Variants in NBN observed in about 807,000 individuals in gnomAD.
NBN encodes nibrin, also known as Nijmegen breakage syndrome 1 (nibrin).
NBN carries 88 observed loss-of-function variants against 90.8 expected under a neutral mutation model. The ratio of observed to expected loss-of-function variants is 0.97; its 90% CI spans 0.82 to 1.16. NBN has a LOEUF of 1.16. NBN is among the 50% of genes most tolerant of loss of function. The probability of loss-of-function intolerance (pLI) is 0.00; values close to 1 mark genes in which losing one functional copy is unlikely to be tolerated. For synonymous variants in NBN, 328 were observed against 295.1 expected, an observed-to-expected ratio of 1.11 and a Z score of -1.14; for missense variants, 894 against 869.6, an observed-to-expected ratio of 1.03 and a Z score of -0.35.
chr8:89,950,278 A>AT (rs1158544193), intron 11 of NBN, among the ~76,000 whole-genome samples: 2 of 152,342 alleles, frequency 1.3e-5, no homozygotes, highest in African/African-American at 2.4e-5. Flanking sequence ...CAAGTCCCTG[A>AT]TAAAAAAAAG....
At chr8:89,937,178 C>A in intron 14 of NBN, 103 bp from the exon 15 acceptor site, 1 of 1,042,552 alleles carries the variant, frequency 9.6e-7, no homozygotes, top group South Asian at 1.3e-5. Context: ...TTTCCACATC[C>A]TGGAGGTCAC....
intron 5 of NBN, among the ~76,000 whole-genome samples, chr8:89,975,396 CTAA>C: frequency 1.3e-5 from 2 of 152,292 alleles, no homozygotes; most frequent in Middle Eastern, 3.4e-3. Flanking sequence ...ATTCCTTCTA[CTAA>C]TGTTTATAAA....
chr8:89,962,130 G>C (rs1811017241), intron 8 of NBN, among the ~76,000 whole-genome samples: 1 of 152,134 alleles, frequency 6.6e-6, no homozygotes, highest in African/African-American at 2.4e-5. Flanking sequence ...TCTAGAGTTT[G>C]TATAGGAAAC....
chr8:89,937,142 G>A (rs1234761683), intron 14 of NBN, 67 bp from the exon 15 acceptor site: 1 of 1,434,960 alleles, frequency 7.0e-7, no homozygotes, highest in East Asian at 2.3e-5. Flanking sequence ...AATTGCTATA[G>A]TGATAGGTCA....
intron 5 of NBN, among the ~76,000 whole-genome samples, chr8:89,972,787 C>A (rs1811576136): frequency 2.0e-5 from 3 of 152,118 alleles, no homozygotes; most frequent in Admixed American, 2.0e-4. Context: ...CAGTTACAGA[C>A]AAAAACAGTA....
In NBN at chr8:89,956,339, T is replaced by A. The variant is rs116215542; in HGVS notation, c.1125-784A>T. Among the ~76,000 whole-genome samples the A allele has an allele frequency of 7.0e-3, 1,072 of 152,132 alleles. 14 individuals are homozygous for A. The highest frequency in any genetic ancestry group is 0.024 in the African/African-American group (1,007 of 41,540). ...ATAAATAAGGTTTAATACAGTGATA[T>A]CTTAAGTATCTTAATATGAACACTT... On this transcript the variant is annotated intron_variant, in intron 9 of 15. Transcript: ENST00000265433.
At chr8:89,941,739 A>G (rs1011186800) in intron 14 of NBN, among the ~76,000 whole-genome samples, 14 of 152,156 alleles carry the variant, frequency 9.2e-5, no homozygotes, top group African/African-American at 3.4e-4. Flanking sequence ...GTACTGCCAT[A>G]ATTCTGTGGA....
intron 12 of NBN, among the ~76,000 whole-genome samples, 184 bp downstream of exon 12, chr8:89,947,640 A>C (rs1376446698): frequency 1.3e-5 from 2 of 151,974 alleles, no homozygotes; most frequent in African/African-American, 4.8e-5. Context: ...AAAATAAATA[A>C]ATAAACAAAT....
intron 13 of NBN, among the ~76,000 whole-genome samples, chr8:89,943,899 A>C (rs1810066922): frequency 6.6e-6 from 1 of 152,202 alleles, no homozygotes; most frequent in Non-Finnish European, 1.5e-5. Flanking sequence ...TTCCATGTGA[A>C]AATGCCCATC....
chr8:89,939,412 A>T (rs780680345), intron 14 of NBN, among the ~76,000 whole-genome samples: 15 of 151,042 alleles, frequency 9.9e-5, no homozygotes, highest in Non-Finnish European at 1.9e-4. Context: ...TCTAGAACAC[A>T]GTCCATCTAA....
At chr8:89,978,706 C>G (rs534322017) in intron 4 of NBN, among the ~76,000 whole-genome samples, 1 of 152,266 alleles carries the variant, frequency 6.6e-6, no homozygotes, top group South Asian at 2.1e-4. Flanking sequence ...ATATCTGCTT[C>G]AGGGAAGACA....
At chr8:89,952,607 T>C (rs1036001347) in intron 11 of NBN, among the ~76,000 whole-genome samples, 3 of 152,174 alleles carry the variant, frequency 2.0e-5, no homozygotes, top group Non-Finnish European at 4.4e-5. Context: ...CTGCAGGTGT[T>C]ACTGGAGAGG....
At chr8:89,948,651 G>A (rs1374103444) in intron 11 of NBN, among the ~76,000 whole-genome samples, 2 of 152,182 alleles carry the variant, frequency 1.3e-5, no homozygotes, top group African/African-American at 4.8e-5. Context: ...AGTCTTAAAA[G>A]TTTTAAAAAT....
chr8:89,940,478 A>C (rs2130748039), intron 14 of NBN, among the ~76,000 whole-genome samples: 1 of 152,226 alleles, frequency 6.6e-6, no homozygotes, highest in South Asian at 2.1e-4. Context: ...ATTATACTGA[A>C]TTTCTGTCTC....
In NBN at chr8:89,970,599, A is replaced by AT. The variant is rs1305622125; in HGVS notation, c.703-43dup. The stretch of plus-strand genomic sequence containing the variant: ...ACATTTTTTAAAGTAAAATGTAGTA[A>AT]TTTTTTGAACACATAAGAATTTGAT... On this transcript the variant is annotated intron_variant, in intron 6 of 15. Coordinates refer to ENST00000265433, the MANE Select transcript of NBN (RefSeq NM_002485.5). The AT allele has an allele frequency of 6.4e-7, 1 of 1,565,962 alleles. No homozygotes were observed. Among genetic ancestry groups the AT allele is most frequent in the African/African-American group, 1.4e-5 (1 of 73,652 alleles).
chr8:89,938,992 A>C (rs563830717), intron 14 of NBN, among the ~76,000 whole-genome samples: 2 of 152,354 alleles, frequency 1.3e-5, no homozygotes, highest in Admixed American at 1.3e-4. Context: ...ATTAAGAAAC[A>C]GAAATGCCTC....
At chr8:89,981,900 TA>T in intron 2 of NBN, 2 of 826,014 alleles carry the variant, frequency 2.4e-6, no homozygotes, top group Non-Finnish European at 3.3e-6. Context: ...AACCACATTG[TA>T]AAAATTAGTC....
chr8:89,959,108 G>A (rs1810874572), intron 8 of NBN, among the ~76,000 whole-genome samples: 1 of 152,090 alleles, frequency 6.6e-6, no homozygotes, highest in Non-Finnish European at 1.5e-5. Flanking sequence ...CTTATCAACT[G>A]AAAGAAAAAT....
intron 7 of NBN, among the ~76,000 whole-genome samples, chr8:89,970,113 G>GT (rs1811433915): frequency 6.6e-6 from 1 of 151,910 alleles, no homozygotes; most frequent in African/African-American, 2.4e-5. Context: ...GCTGGGTGTG[G>GT]TGGTGGGTGC....
Sources: gnomAD v4.1 joint callset for allele counts (sites outside exome capture counted in the v4.1 genomes callset) on GRCh38, gnomAD v4.1.1 for gene constraint, MANE v1.5 for transcripts, NCBI Gene and HGNC (gene_info 2026-07-23, HGNC 2026-07-21) for gene names.